The following FNTB variants were observed in gnomAD, a reference collection of about 807,000 sequenced individuals.
The protein encoded by FNTB is farnesyltransferase, CAAX box, subunit beta, also known as protein farnesyltransferase subunit beta.
Under a neutral mutation model 59.4 loss-of-function variants are expected in FNTB, and 27 were observed. The observed-to-expected ratio is 0.45, with a 90% CI of 0.34 to 0.63. The LOEUF (loss-of-function observed/expected upper bound fraction) is 0.63, where lower values mean the gene tolerates loss of function less well. FNTB is among the 20% of genes least tolerant of loss of function. FNTB has a pLI of 0.02. For synonymous variants in FNTB, 230 were observed against 220.7 expected, an observed-to-expected ratio of 1.04 and a Z score of -0.37; for missense variants, 449 against 559.6, an observed-to-expected ratio of 0.80 and a Z score of 1.99.
At position 65,049,084 on chromosome 14, in the gene FNTB, G is replaced by A. The variant is rs112405374; in HGVS notation, c.956-4154G>A. On this transcript the variant is annotated intron_variant, in intron 9 of 11. Coordinates refer to ENST00000246166, the MANE Select transcript of FNTB (RefSeq NM_002028.4). ...GGAGGTTGCAGTGAGCTGAGATCGC[G>A]CCGTTGCACTCCAGCCTGGGTAACA... is the stretch of plus-strand genomic sequence containing the variant. 4.5e-3 allele frequency among the ~76,000 whole-genome samples: 679 copies of A among 151,124 alleles called. 8 individuals are homozygous for A. The highest frequency in any genetic ancestry group is 0.04 in the East Asian group (204 of 5,138).
chr14:65,019,225 G>A (rs1186160968), intron 4 of FNTB, among the ~76,000 whole-genome samples: 1 of 151,920 alleles, frequency 6.6e-6, no homozygotes, highest in Non-Finnish European at 1.5e-5. Flanking sequence ...AGTGGCTCAT[G>A]GCTGTAATCC....
chr14:65,015,317 G>A (rs562291958), intron 3 of FNTB, among the ~76,000 whole-genome samples: 9 of 151,486 alleles, frequency 5.9e-5, no homozygotes, highest in African/African-American at 1.5e-4. Context: ...TGGCCAGGCT[G>A]GTCTTGAACT....
chr14:65,060,812 G>A (rs1320402268), intron 11 of FNTB, among the ~76,000 whole-genome samples: 1 of 146,726 alleles, frequency 6.8e-6, no homozygotes, highest in Non-Finnish European at 1.5e-5. Context: ...GGCAGAGGTT[G>A]CAGTGAGCTA....
rs2031754382 is a variant in FNTB at position 65,054,922 on chromosome 14, G to C, written c.1182+233G>C. Among the ~76,000 whole-genome samples, 1 of 152,220 alleles carries C rather than the reference G, an allele frequency of 6.6e-6. No individual in the cohort carries two copies. Among genetic ancestry groups the C allele is most frequent in the Non-Finnish European group, 1.5e-5 (1 of 68,034 alleles). On this transcript the variant is annotated intron_variant, in intron 11 of 11. Transcript: ENST00000246166. The surrounding 1 kb of genome is among the most constrained non-coding windows in gnomAD (Gnocchi z 4.4). ...GTCTGATCTGTCAAAGAGCTGTTGTGCCTTTATCCCAGGGCTGAGGACCTA... is the reference window on the plus strand; with the variant it reads ...GTCTGATCTGTCAAAGAGCTGTTGTCCCTTTATCCCAGGGCTGAGGACCTA...
rs188334951 is a variant in FNTB at position 65,051,183 on chromosome 14, G to T, written c.956-2055G>T. ...CTGAGTGCGACTCAGGGTTGAAGAC[G>T]AGAAGCTTTTGTCCCTGGCCTCTAA... On this transcript the variant is annotated intron_variant, in intron 9 of 11. Coordinates refer to ENST00000246166, the MANE Select transcript of FNTB (RefSeq NM_002028.4). Among the ~76,000 whole-genome samples the T allele has an allele frequency of 1.8e-3, 276 of 152,340 alleles. 4 individuals are homozygous for T. Among genetic ancestry groups the T allele is most frequent in the Non-Finnish European group, 5.4e-4 (37 of 68,030 alleles).
intron 7 of FNTB, among the ~76,000 whole-genome samples, chr14:65,035,521 G>A (rs7155454): frequency 0.6 from 91,179 of 151,738 alleles, 28,900 homozygotes; most frequent in African/African-American, 0.81. Flanking sequence ...TTCTTCCTCT[G>A]TCTTTCAATT....
At position 65,058,461 on chromosome 14, in the gene FNTB, T is replaced by C. The variant is rs569214113; in HGVS notation, c.1183-2720T>C. On this transcript the variant is annotated intron_variant, in intron 11 of 11. Coordinates refer to ENST00000246166, the MANE Select transcript of FNTB (RefSeq NM_002028.4). The stretch of plus-strand genomic sequence containing the variant: ...TAAGTTAGTTTCCATTTTATTTTTC[T>C]TGCCTTGTATTGTTGGGTAAGATCC... Among the ~76,000 whole-genome samples the C allele has an allele frequency of 2.6e-5, 4 of 152,316 alleles. No individual in the cohort carries two copies. The South Asian group carries it at 8.3e-4, about 32-fold the overall frequency.
At chr14:65,013,035 G>A (rs907964425) in intron 3 of FNTB, among the ~76,000 whole-genome samples, 3 of 152,148 alleles carry the variant, frequency 2.0e-5, no homozygotes, top group African/African-American at 4.8e-5. Flanking sequence ...GGGACTGAGC[G>A]GCAGGCAAAG....
intron 9 of FNTB, among the ~76,000 whole-genome samples, chr14:65,051,903 T>C (rs1309483602): frequency 1.3e-5 from 2 of 151,810 alleles, no homozygotes; most frequent in Admixed American, 6.6e-5. Flanking sequence ...CACGCCATTC[T>C]CCTGCCTCAG....
At chr14:65,035,222 G>A (rs1415272538) in intron 7 of FNTB, among the ~76,000 whole-genome samples, 9 of 152,248 alleles carry the variant, frequency 5.9e-5, no homozygotes, top group East Asian at 3.9e-4. Flanking sequence ...TGCTGCTGCC[G>A]CCCTGGGCTA....
chr14:65,033,255 A>G (rs1488670357), intron 7 of FNTB, among the ~76,000 whole-genome samples: 1 of 152,248 alleles, frequency 6.6e-6, no homozygotes, highest in East Asian at 1.9e-4. Flanking sequence ...CAAAAAAACC[A>G]TACAGATTAG....
chr14:65,049,786 TA>T (rs1443052432), intron 9 of FNTB, among the ~76,000 whole-genome samples: 12 of 152,162 alleles, frequency 7.9e-5, no homozygotes, highest in Admixed American at 6.5e-4. Flanking sequence ...TATGCTTTTT[TA>T]AATAATAGCT....
intron 4 of FNTB, among the ~76,000 whole-genome samples, chr14:65,018,367 A>T (rs998666637): frequency 5.3e-5 from 8 of 152,206 alleles, no homozygotes; most frequent in African/African-American, 1.9e-4. Context: ...ATGTTAAAAT[A>T]TATGTATTTA....
chr14:65,015,536 C>T lies in FNTB; in HGVS notation c.283-89C>T, dbSNP rs2061757267. 9.4e-6 allele frequency: 13 copies of T among 1,385,976 alleles called. No homozygotes were observed. The South Asian group carries it at 1.7e-4, about 18-fold the overall frequency. 85.9% of individuals were successfully genotyped at this position (1,385,976 alleles called of 1,614,324 possible). A position where few individuals can be genotyped will look rare whatever the true frequency, so the allele number is the denominator to read the frequency against. ...GGGTGCCCTCCTCCCCCTTGCCAGG[C>T]TGCTGGGAGTGAGACAGATACAGCC... On this transcript the variant is annotated intron_variant, in intron 3 of 11. Transcript: ENST00000246166.
chr14:64,988,999 C>T (rs1002698509), intron 1 of FNTB, among the ~76,000 whole-genome samples: 9 of 151,974 alleles, frequency 5.9e-5, no homozygotes, highest in African/African-American at 1.9e-4. Flanking sequence ...GATGAGAAGA[C>T]TGAGGTTTAG....
chr14:64,987,417 C>T (rs1465033390), intron 1 of FNTB: 8 of 420,210 alleles, frequency 1.9e-5, no homozygotes, highest in Non-Finnish European at 3.1e-5. Context: ...TCGGACAGCC[C>T]ACTCTGTTCT....
At chr14:64,996,068 A>G (rs1470690124) in intron 1 of FNTB, among the ~76,000 whole-genome samples, 2 of 149,736 alleles carry the variant, frequency 1.3e-5, no homozygotes, top group East Asian at 3.9e-4. Context: ...GGTTGCAGTG[A>G]GCTGAGATCA....
intron 8 of FNTB, among the ~76,000 whole-genome samples, chr14:65,042,407 A>G (rs528546050): frequency 1.3e-5 from 2 of 152,290 alleles, no homozygotes; most frequent in African/African-American, 2.4e-5. Context: ...TTAGACTCTC[A>G]TGTAGAGCGT....
chr14:65,020,091 G>C (rs2061857303), intron 4 of FNTB, among the ~76,000 whole-genome samples: 1 of 152,078 alleles, frequency 6.6e-6, no homozygotes, highest in Admixed American at 6.5e-5. Context: ...TTACACAAAG[G>C]TTTCTCTTTC....
Sources: gnomAD v4.1 joint callset for allele counts (sites outside exome capture counted in the v4.1 genomes callset) on GRCh38, gnomAD v4.1.1 for gene constraint, Gnocchi (gnomAD v3.1) non-coding constraint, MANE v1.5 for transcripts, NCBI Gene and HGNC (gene_info 2026-07-23, HGNC 2026-07-21) for gene names.